Variants in RBPMS2 observed in about 807,000 individuals in gnomAD.
The protein encoded by RBPMS2 is RNA-binding protein with multiple splicing 2.
In RBPMS2, 14 loss-of-function variants were observed where a neutral mutation model predicts 25.7. The ratio of observed to expected loss-of-function variants is 0.55; its 90% confidence interval spans 0.36 to 0.85. The LOEUF is 0.85. Among genes scored for constraint, RBPMS2 ranks in the 40% least tolerant of loss-of-function variants. The probability of loss-of-function intolerance (pLI) is 0.01; values close to 1 mark genes in which losing one functional copy is unlikely to be tolerated. For missense variants in RBPMS2, 252 were observed against 283.4 expected (o/e 0.89, Z 0.80); for synonymous variants, 127 against 115.6 (o/e 1.10, Z -0.63).
chr15:64,744,792 T>TGTG (rs2083600141), intron 6 of RBPMS2, among the ~76,000 whole-genome samples: 1 of 71,578 alleles, frequency 1.4e-5, no homozygotes, highest in African/African-American at 6.1e-5. Context: ...TTTTTTGGTT[T>TGTG]GTTTTGTTTT....
At chr15:64,774,733 G>GCCGGCCGGCCGGCCGT (rs71133475) in intron 1 of RBPMS2, among the ~76,000 whole-genome samples, 1 of 12,944 alleles carries the variant, frequency 7.7e-5, no homozygotes, top group Non-Finnish European at 1.1e-4. Context: ...GAACCGAGGA[G>GCCGGCCGGCCGGCCGT]CCGGCCGGCC....
intron 1 of RBPMS2, among the ~76,000 whole-genome samples, chr15:64,752,187 G>C (rs1399704453): frequency 3.9e-5 from 6 of 151,942 alleles, no homozygotes; most frequent in African/African-American, 1.5e-4. Context: ...AAGCTGCAGT[G>C]CCTGACCCCC....
At chr15:64,750,459 C>T (rs2083666510) in intron 2 of RBPMS2, 78 bp from the exon 3 acceptor site, 3 of 1,212,948 alleles carry the variant, frequency 2.5e-6, no homozygotes, top group Non-Finnish European at 2.5e-6. Flanking sequence ...CCTCATCAGC[C>T]CCCGCGTTCC....
intron 1 of RBPMS2, among the ~76,000 whole-genome samples, chr15:64,764,147 AC>A (rs1244427636): frequency 2.0e-5 from 3 of 152,090 alleles, no homozygotes; most frequent in Admixed American, 6.6e-5. Context: ...TTCACTGGGC[AC>A]CCCGGCATGG....
chr15:64,755,870 A>T (rs1028031253), intron 1 of RBPMS2, among the ~76,000 whole-genome samples: 1 of 150,342 alleles, frequency 6.7e-6, no homozygotes, highest in African/African-American at 2.4e-5. Context: ...AGCGTCCACA[A>T]GGCTGCCTGC....
intron 1 of RBPMS2, among the ~76,000 whole-genome samples, chr15:64,761,696 C>CATT (rs2083788723): frequency 1.2e-5 from 1 of 86,678 alleles, no homozygotes; most frequent in African/African-American, 4.7e-5. Context: ...CAAAGCCCAG[C>CATT]TTTTTTTTTT....
In RBPMS2 at chr15:64,749,041, A is replaced by G. The variant is rs767445444; in HGVS notation, c.377T>C (p.Val126Ala). ...GAAGTGTGCTCCTAGGGCGGGGTGC[A>G]CGTTGCTGGGATTTGGAGTTGCCAT... Reference protein sequence around the residue: ...KLMATPNPSNVHPALGAHFIA... With the variant: ...KLMATPNPSNAHPALGAHFIA... Residue 126 changes from valine (V) to alanine (A), a missense_variant, in exon 5 of 8, where the codon GTG becomes GCG. Physicochemically the swap from Val to Ala is moderately conservative, Grantham distance 64. Coordinates refer to ENST00000300069, the MANE Select transcript of RBPMS2 (RefSeq NM_194272.3). 6.2e-7 allele frequency: 1 copy of G among 1,614,064 alleles called. No homozygotes were observed. The highest frequency in any genetic ancestry group is 1.3e-5 in the African/African-American group (1 of 74,912).
intron 6 of RBPMS2, among the ~76,000 whole-genome samples, chr15:64,743,198 C>T (rs1240276450): frequency 6.6e-6 from 1 of 152,206 alleles, no homozygotes; most frequent in African/African-American, 2.4e-5. Flanking sequence ...ACATGGACGA[C>T]AGAATGGAAG....
chr15:64,743,883 T>C (rs1387519164), intron 6 of RBPMS2, among the ~76,000 whole-genome samples: 1 of 152,008 alleles, frequency 6.6e-6, no homozygotes, highest in Admixed American at 6.5e-5. Context: ...GGTGGGCGGA[T>C]CTCTTGAGCC....
At chr15:64,774,746 G>C (rs1197919615) in intron 1 of RBPMS2, among the ~76,000 whole-genome samples, 1 of 17,046 alleles carries the variant, frequency 5.9e-5, no homozygotes, top group Non-Finnish European at 1.8e-4. Context: ...GGCCGGCCCA[G>C]GCCTCCAAGG....
intron 1 of RBPMS2, among the ~76,000 whole-genome samples, chr15:64,770,345 A>AAT (rs1268373648): frequency 6.6e-6 from 1 of 152,222 alleles, no homozygotes; most frequent in Non-Finnish European, 1.5e-5. Context: ...AAAGTTATTT[A>AAT]ACCTCTCTGT....
chr15:64,774,241 G>C (rs562117097), intron 1 of RBPMS2, among the ~76,000 whole-genome samples: 33 of 152,334 alleles, frequency 2.2e-4, no homozygotes, highest in African/African-American at 7.9e-4. Context: ...GGTTTCCTGG[G>C]CGAGAACATG....
chr15:64,771,457 T>C (rs147160976), intron 1 of RBPMS2, among the ~76,000 whole-genome samples: 2,079 of 152,190 alleles, frequency 0.014, 33 homozygotes, highest in Non-Finnish European at 0.023. Flanking sequence ...CCGAGCTGGA[T>C]GGACCACTTG....
chr15:64,764,711 C>T (rs776877814), intron 1 of RBPMS2, among the ~76,000 whole-genome samples: 73 of 150,914 alleles, frequency 4.8e-4, no homozygotes, highest in African/African-American at 1.6e-3. Flanking sequence ...GTCAGGAGAT[C>T]GAGACCATCC....
chr15:64,750,194 C>T, intron 3 of RBPMS2, 149 bp downstream of exon 3: 1 of 760,352 alleles, frequency 1.3e-6, no homozygotes, highest in Non-Finnish European at 2.4e-6. Context: ...GTGGGACCTA[C>T]AGAGGCTGCT....
chr15:64,774,732 A>AGCCGGCCGGCCGGCCC (rs146916271), intron 1 of RBPMS2, among the ~76,000 whole-genome samples: 4 of 147,120 alleles, frequency 2.7e-5, no homozygotes, highest in African/African-American at 5.0e-5. Context: ...GGAACCGAGG[A>AGCCGGCCGGCCGGCCC]GCCGGCCGGC....
rs1567061098 is a variant in RBPMS2 at position 64,739,987 on chromosome 15, TG to T, written c.*1020del. On this transcript the variant is annotated 3_prime_UTR_variant, in exon 8 of 8. Transcript: ENST00000300069. The stretch of plus-strand genomic sequence containing the variant: ...CAACAGCCGCCTCATCTCCCAAGTC[TG>T]AAATGGCCAGACGGTCACAGCTGCG... 6.6e-6 allele frequency: 1 copy of T among 152,656 alleles called. No homozygotes were observed. The highest frequency in any genetic ancestry group is 2.4e-5 in the African/African-American group (1 of 41,456). The allele number at this position is 152,656 out of a possible 1,614,324, so 9.5% of individuals were successfully genotyped here. A position where few individuals can be genotyped will look rare whatever the true frequency, so the allele number is the denominator to read the frequency against.
At chr15:64,753,521 G>C (rs2083702330) in intron 1 of RBPMS2, among the ~76,000 whole-genome samples, 2 of 152,138 alleles carry the variant, frequency 1.3e-5, no homozygotes, top group African/African-American at 2.4e-5. Context: ...GATAGCTGCT[G>C]GTTACTGGTG....
At chr15:64,758,548 C>T (rs1489700124) in intron 1 of RBPMS2, among the ~76,000 whole-genome samples, 1 of 152,252 alleles carries the variant, frequency 6.6e-6, no homozygotes, top group Non-Finnish European at 1.5e-5. Flanking sequence ...CAGAATACCA[C>T]AGACATGGCT....
Sources: allele counts gnomAD v4.1 joint callset (sites outside exome capture counted in the v4.1 genomes callset), GRCh38; gene constraint gnomAD v4.1.1; transcripts MANE v1.5; gene names NCBI Gene and HGNC (gene_info 2026-07-23, HGNC 2026-07-21).